NEURL1: variants seen among roughly 807,000 people sequenced by gnomAD.
NEURL1 encodes E3 ubiquitin-protein ligase NEURL1.
A neutral mutation model predicts 41.2 loss-of-function variants in NEURL1; 26 were observed. The observed-to-expected ratio is 0.63, with a 90% CI of 0.46 to 0.87. NEURL1 has a LOEUF of 0.87. Among genes scored for constraint, NEURL1 ranks in the 40% least tolerant of loss-of-function variants. NEURL1 has a pLI of 0.00. For synonymous variants in NEURL1, 400 were observed against 402.3 expected (o/e 0.99, Z 0.07); for missense variants, 761 against 871.1 (o/e 0.87, Z 1.59).
chr10:103,534,302 G>C (rs1354668953), intron 1 of NEURL1, among the ~76,000 whole-genome samples: 1 of 151,176 alleles, frequency 6.6e-6, no homozygotes, highest in Non-Finnish European at 1.5e-5. Context: ...TTCCTTTGGT[G>C]GTGTCATATT....
intron 1 of NEURL1, chr10:103,550,762 C>G (rs1488677636): frequency 6.6e-6 from 1 of 152,244 alleles, no homozygotes; most frequent in African/African-American, 2.4e-5. Context: ...CTGGATGGAG[C>G]ATGAGTTTTG....
chr10:103,499,540 T>C (rs1028167499), intron 1 of NEURL1, among the ~76,000 whole-genome samples: 14 of 151,726 alleles, frequency 9.2e-5, no homozygotes, highest in Non-Finnish European at 1.9e-4. Flanking sequence ...TCTTGGCTCA[T>C]TGAAGCCTCA....
At chr10:103,517,639 T>C (rs1219793146) in intron 1 of NEURL1, among the ~76,000 whole-genome samples, 1 of 152,206 alleles carries the variant, frequency 6.6e-6, no homozygotes, top group Admixed American at 6.5e-5. Context: ...TCCACAAAGG[T>C]TCATGAGTCA....
At chr10:103,498,699 AC>A (rs1418628025) in intron 1 of NEURL1, among the ~76,000 whole-genome samples, 1 of 152,124 alleles carries the variant, frequency 6.6e-6, no homozygotes, top group Non-Finnish European at 1.5e-5. Flanking sequence ...CACTCCTGTT[AC>A]CCTCTCCCCT....
chr10:103,507,492 T>C (rs972547262), intron 1 of NEURL1, among the ~76,000 whole-genome samples: 4 of 152,116 alleles, frequency 2.6e-5, no homozygotes, highest in Non-Finnish European at 4.4e-5. Flanking sequence ...GAAGGTCAAC[T>C]TGAAGCTCTG....
intron 1 of NEURL1, among the ~76,000 whole-genome samples, chr10:103,562,745 CAG>C (rs1247505652): frequency 6.6e-6 from 1 of 152,028 alleles, no homozygotes; most frequent in Non-Finnish European, 1.5e-5. Context: ...GTCTGGGGGT[CAG>C]AGAGACTTCT....
chr10:103,522,485 C>T (rs2034373582), intron 1 of NEURL1, among the ~76,000 whole-genome samples: 1 of 150,840 alleles, frequency 6.6e-6, no homozygotes, highest in African/African-American at 2.4e-5. Context: ...TGTGGTGGCA[C>T]ATGCCTGTAA....
intron 3 of NEURL1, among the ~76,000 whole-genome samples, chr10:103,576,738 G>A (rs955584792): frequency 1.3e-5 from 2 of 152,106 alleles, no homozygotes; most frequent in African/African-American, 2.4e-5. Context: ...GGGGGCTCCC[G>A]AGGGCTTATG....
intron 1 of NEURL1, among the ~76,000 whole-genome samples, chr10:103,564,441 C>G (rs989550358): frequency 2.6e-5 from 4 of 152,164 alleles, no homozygotes; most frequent in Non-Finnish European, 4.4e-5. Context: ...ACACGCCCCC[C>G]CCATTTTGAG....
At chr10:103,497,611 T>C (rs1001586455) in intron 1 of NEURL1, among the ~76,000 whole-genome samples, 88 of 152,278 alleles carry the variant, frequency 5.8e-4, no homozygotes, top group African/African-American at 2.1e-3. Flanking sequence ...TAGACTTTGG[T>C]CTTCTTCCTG....
At chr10:103,586,173 A>G (rs917577937) in intron 4 of NEURL1, among the ~76,000 whole-genome samples, 1 of 152,180 alleles carries the variant, frequency 6.6e-6, no homozygotes, top group Non-Finnish European at 1.5e-5. Flanking sequence ...AGAGCCTTTA[A>G]TATGCACTTT....
chr10:103,588,942 G>GAAAAAAAA, intron 4 of NEURL1: 1 of 319,072 alleles, frequency 3.1e-6, no homozygotes, highest in Non-Finnish European at 5.7e-6. Context: ...GACTCCGTCT[G>GAAAAAAAA]AAAAAAAAAA....
rs945760338 is a variant in NEURL1, at chr10:103,584,562, C to G, written c.676C>G (p.Leu226Val). ...LDSELVLPDC[L>V]RPRSFTALRR... ...TAGCGAGCTGGTGCTCCCGGACTGT[C>G]TGCGGCCGCGCTCCTTCACCGCCCT... The change falls in exon 4 of 6, where the codon CTG becomes GTG. Residue 226 changes from leucine to valine, a missense_variant. Physicochemically the swap from Leu to Val is conservative, Grantham distance 32. Around this residue, in one of 5 missense-constraint regions of NEURL1, gnomAD observed 114 missense variants for 144.8 expected, o/e 0.79. Transcript: ENST00000369780. 3 of 1,412,012 alleles carry G rather than the reference C, an allele frequency of 2.1e-6. No individual in the cohort carries two copies. The highest frequency in any genetic ancestry group is 2.8e-6 in the Non-Finnish European group (3 of 1,089,254). The allele number at this position is 1,412,012 out of a possible 1,614,324, so 87.5% of individuals were successfully genotyped here. A position where few individuals can be genotyped will look rare whatever the true frequency, so the allele number is the denominator to read the frequency against.
intron 1 of NEURL1, among the ~76,000 whole-genome samples, chr10:103,554,508 G>C (rs951836529): frequency 3.3e-5 from 5 of 152,064 alleles, no homozygotes; most frequent in African/African-American, 4.8e-5. Context: ...AGGTTGGTGT[G>C]GGGGGGAAAA....
At chr10:103,509,460 G>A (rs2986057) in intron 1 of NEURL1, among the ~76,000 whole-genome samples, 6,458 of 152,108 alleles carry the variant, frequency 0.042, 453 homozygotes, top group African/African-American at 0.14. Context: ...GCTAGATACC[G>A]CAGGCAGTGG....
chr10:103,530,000 T>TACTC (rs1403643971), intron 1 of NEURL1, among the ~76,000 whole-genome samples: 1 of 152,214 alleles, frequency 6.6e-6, no homozygotes, highest in African/African-American at 2.4e-5. Context: ...AAAGAGTGGC[T>TACTC]ACTCCACAGC....
chr10:103,513,236 C>T (rs1022665884), intron 1 of NEURL1, among the ~76,000 whole-genome samples: 1 of 152,238 alleles, frequency 6.6e-6, no homozygotes, highest in Admixed American at 6.5e-5. Context: ...GCTCCAGAGA[C>T]AAGCAGGCAC....
intron 3 of NEURL1, among the ~76,000 whole-genome samples, chr10:103,581,442 T>C (rs889297808): frequency 6.6e-6 from 1 of 152,194 alleles, no homozygotes; most frequent in African/African-American, 2.4e-5. Context: ...GAGTATTAGA[T>C]ACAGATTTTA....
chr10:103,559,893 T>C (rs1592222676), intron 1 of NEURL1, among the ~76,000 whole-genome samples: 1 of 151,460 alleles, frequency 6.6e-6, no homozygotes, highest in African/African-American at 2.4e-5. Flanking sequence ...CATACACACA[T>C]GCATGCACAC....
Sources: allele counts gnomAD v4.1 joint callset (sites outside exome capture counted in the v4.1 genomes callset), GRCh38; gene constraint gnomAD v4.1.1; regional missense constraint gnomAD v4.1.1; transcripts MANE v1.5; gene names NCBI Gene and HGNC (gene_info 2026-07-23, HGNC 2026-07-21).